The following GLI2 variants were observed in gnomAD, a reference collection of about 807,000 sequenced individuals.
GLI2 encodes the protein transcription activator GLI2.
A neutral mutation model predicts 78.9 loss-of-function variants in GLI2; 22 were observed. That is an observed-to-expected ratio of 0.28 (90% confidence interval 0.20 to 0.40). GLI2 has a LOEUF of 0.40. GLI2 is among the 10% of genes least tolerant of loss of function. GLI2 has a pLI of 1.00. For missense variants in GLI2, 2,097 were observed against 2,213.2 expected (o/e 0.95, Z 1.05); for synonymous variants, 974 against 963.7 (o/e 1.01, Z -0.20).
intron 2 of GLI2, among the ~76,000 whole-genome samples, chr2:120,862,543 G>A (rs930126475): frequency 1.3e-5 from 2 of 152,232 alleles, no homozygotes; most frequent in Admixed American, 1.3e-4. Context: ...TCTGTGGGGT[G>A]GATTGGCAAG....
At chr2:120,795,025 C>T (rs533764878) in intron 1 of GLI2, among the ~76,000 whole-genome samples, 6 of 152,126 alleles carry the variant, frequency 3.9e-5, no homozygotes, top group Non-Finnish European at 7.3e-5. Flanking sequence ...TTCTTGTGTA[C>T]TCATTTTTTT....
At chr2:120,893,238 C>T (rs578074185) in intron 2 of GLI2, among the ~76,000 whole-genome samples, 13 of 152,296 alleles carry the variant, frequency 8.5e-5, no homozygotes, top group Admixed American at 4.6e-4. Context: ...TGTTGGATGA[C>T]GTGGAGGGAG....
intron 9 of GLI2, 128 bp downstream of exon 9, chr2:120,975,237 A>T: frequency 1.2e-6 from 1 of 823,624 alleles, no homozygotes; most frequent in South Asian, 1.7e-5. Context: ...TGCCTGGGCC[A>T]CATCCCCTGC....
At chr2:120,930,894 T>C (rs1291236110) in intron 3 of GLI2, among the ~76,000 whole-genome samples, 1 of 152,234 alleles carries the variant, frequency 6.6e-6, no homozygotes, top group Non-Finnish European at 1.5e-5. Context: ...GGGTAGGGCC[T>C]GCTTCCTTCC....
At chr2:120,858,323 T>C (rs1687752896) in intron 2 of GLI2, among the ~76,000 whole-genome samples, 1 of 152,256 alleles carries the variant, frequency 6.6e-6, no homozygotes, top group East Asian at 1.9e-4. Flanking sequence ...CTCCTTGTGG[T>C]ACTTGGCATG....
intron 2 of GLI2, among the ~76,000 whole-genome samples, chr2:120,830,154 G>A (rs373619061): frequency 1.6e-4 from 24 of 152,276 alleles, no homozygotes; most frequent in Non-Finnish European, 3.1e-4. Context: ...CTGCCCCTCC[G>A]TCTGAGTACC....
At chr2:120,984,840 C>A in intron 12 of GLI2, 97 bp downstream of exon 12, 2 of 1,251,418 alleles carry the variant, frequency 1.6e-6, no homozygotes, top group Non-Finnish European at 2.3e-6. Flanking sequence ...CTAAGGCCCC[C>A]CTCTAGGGGC....
chr2:120,945,362 T>G (rs1400007732), intron 3 of GLI2, among the ~76,000 whole-genome samples: 1 of 152,156 alleles, frequency 6.6e-6, no homozygotes, highest in Non-Finnish European at 1.5e-5. Flanking sequence ...CCCCTGCTTG[T>G]GCCTCATGCC....
intron 2 of GLI2, among the ~76,000 whole-genome samples, chr2:120,812,736 C>T (rs919311976): frequency 7.2e-5 from 11 of 152,180 alleles, no homozygotes; most frequent in East Asian, 5.8e-4. Context: ...CCTTGGCATG[C>T]GGGCTCTGAC....
At chr2:120,830,197 C>T (rs797006061) in intron 2 of GLI2, among the ~76,000 whole-genome samples, 2 of 152,304 alleles carry the variant, frequency 1.3e-5, no homozygotes, top group African/African-American at 4.8e-5. Flanking sequence ...TGGCTGGGCT[C>T]CTGGTGCAGC....
chr2:120,894,014 G>T (rs1047132748), intron 2 of GLI2, among the ~76,000 whole-genome samples: 2 of 152,314 alleles, frequency 1.3e-5, no homozygotes, highest in East Asian at 3.9e-4. Context: ...GAATAAACTC[G>T]CTTTCTTCCC....
chr2:120,933,977 T>G (rs955366266), intron 3 of GLI2, among the ~76,000 whole-genome samples: 8 of 152,180 alleles, frequency 5.3e-5, no homozygotes, highest in Non-Finnish European at 7.3e-5. Flanking sequence ...CAAACCTGGC[T>G]GCAGATCTGA....
intron 6 of GLI2, among the ~76,000 whole-genome samples, chr2:120,969,932 C>T (rs1225703830): frequency 6.6e-6 from 1 of 152,140 alleles, no homozygotes; most frequent in Non-Finnish European, 1.5e-5. Context: ...GGCTCTTATG[C>T]AAGTGGTGTG....
chr2:120,876,873 G>A lies in GLI2; in HGVS notation c.149-50488G>A, dbSNP rs570312324. 1.3e-4 allele frequency among the ~76,000 whole-genome samples: 20 copies of A among 152,336 alleles called. No homozygotes were observed. In the South Asian group the frequency reaches 3.7e-3, roughly 28 times the overall value. On this transcript the variant is annotated intron_variant, in intron 2 of 13. Coordinates refer to ENST00000361492, the MANE Select transcript of GLI2 (RefSeq NM_001374353.1). The stretch of plus-strand genomic sequence containing the variant: ...TTTAGGATTTGGGCCCTGTTTGCAC[G>A]GCCCTTTCCGTGTCCCTGTGCTTAA...
chr2:120,806,535 G>T (rs6705732), intron 2 of GLI2, among the ~76,000 whole-genome samples: 84,467 of 151,622 alleles, frequency 0.56, 24,269 homozygotes, highest in South Asian at 0.69. Context: ...AGGAGGAGGG[G>T]CAGAGTGGCC....
intron 2 of GLI2, among the ~76,000 whole-genome samples, chr2:120,909,165 G>A (rs1678688275): frequency 6.6e-6 from 1 of 152,120 alleles, no homozygotes; most frequent in African/African-American, 2.4e-5. Flanking sequence ...CCGCCTTTTG[G>A]CTGACGTGGG....
chr2:120,883,442 G>A (rs542034786), intron 2 of GLI2, among the ~76,000 whole-genome samples: 64 of 152,234 alleles, frequency 4.2e-4, no homozygotes, highest in Non-Finnish European at 8.1e-4. Flanking sequence ...AACTAAGGTC[G>A]CACCACTGCA....
At chr2:120,780,404 G>A (rs1573371188) in intron 1 of GLI2, among the ~76,000 whole-genome samples, 1 of 152,218 alleles carries the variant, frequency 6.6e-6, no homozygotes, top group African/African-American at 2.4e-5. Flanking sequence ...CCCTTGCCCA[G>A]TGTGAAAGGA....
intron 2 of GLI2, among the ~76,000 whole-genome samples, chr2:120,879,460 C>T (rs182349719): frequency 2.0e-5 from 3 of 152,126 alleles, no homozygotes; most frequent in African/African-American, 7.2e-5. Context: ...GAGAGACCTC[C>T]TAGCCAGGCA....
Sources: allele counts gnomAD v4.1 joint callset (sites outside exome capture counted in the v4.1 genomes callset), GRCh38; gene constraint gnomAD v4.1.1; transcripts MANE v1.5; gene names NCBI Gene and HGNC (gene_info 2026-07-23, HGNC 2026-07-21).